The following MYBL2 variants were observed in gnomAD, a reference collection of about 807,000 sequenced individuals.
The protein encoded by MYBL2 is MYB proto-oncogene like 2.
MYBL2 carries 28 observed loss-of-function variants against 79.9 expected under a neutral mutation model. That is an observed-to-expected ratio of 0.35 (90% CI 0.26 to 0.48). MYBL2 has a LOEUF of 0.48. Ranked by LOEUF, MYBL2 falls within the 20% of genes least tolerant of loss-of-function variation. The pLI is 0.99. For missense variants in MYBL2, 735 were observed against 893.9 expected (o/e 0.82, Z 2.27); for synonymous variants, 378 against 361.2 (o/e 1.05, Z -0.53).
intron 3 of MYBL2, 43 bp downstream of exon 3, chr20:43,681,898 C>T (rs779801129): frequency 4.4e-6 from 7 of 1,598,900 alleles, no homozygotes; most frequent in Non-Finnish European, 5.1e-6. Flanking sequence ...GGCAAGGGCT[C>T]TGGGAGAACA....
intron 12 of MYBL2, among the ~76,000 whole-genome samples, chr20:43,713,797 C>T (rs902479058): frequency 2.4e-4 from 37 of 152,288 alleles, no homozygotes; most frequent in African/African-American, 5.8e-4. Context: ...ACAGTGAGGT[C>T]GACCTCAGAA....
intron 6 of MYBL2, among the ~76,000 whole-genome samples, chr20:43,699,551 TG>T (rs1410795591): frequency 1.6e-4 from 25 of 152,322 alleles, no homozygotes; most frequent in Non-Finnish European, 1.5e-5. Flanking sequence ...TGCATTTAGT[TG>T]TCCTATCCCT....
rs982158120 is a variant in MYBL2, at chr20:43,673,980, C to T, written c.114+81C>T. The stretch of plus-strand genomic sequence containing the variant: ...TGAGCCTGGAGTGTATTTGATGTCT[C>T]ATCAGATGGGATGAAGAGGAGGAGC... On this transcript the variant is annotated intron_variant, in intron 2 of 13. Transcript: ENST00000217026. 5 of 1,237,904 alleles carry T rather than the reference C, an allele frequency of 4.0e-6. No individual in the cohort carries two copies. In the East Asian group the frequency reaches 7.6e-5, roughly 19 times the overall value. The allele number at this position is 1,237,904 out of a possible 1,614,324, so 76.7% of individuals were successfully genotyped here. A position where few individuals can be genotyped will look rare whatever the true frequency, so the allele number is the denominator to read the frequency against.
At chr20:43,712,934 C>A in intron 11 of MYBL2, 68 bp from the exon 12 acceptor site, 1 of 1,257,428 alleles carries the variant, frequency 8.0e-7, no homozygotes, top group South Asian at 1.3e-5. Context: ...ATGGCCATGA[C>A]CATCCAGGTG....
chr20:43,695,055 A>C (rs1162475387), intron 6 of MYBL2, among the ~76,000 whole-genome samples: 1 of 117,662 alleles, frequency 8.5e-6, no homozygotes, highest in East Asian at 2.5e-4. Context: ...TTTTTTTTGG[A>C]GACAGAGTCT....
At position 43,681,842 on chromosome 20, in the gene MYBL2, C is replaced by G. The variant is rs1987151196; in HGVS notation, c.173C>G (p.Ala58Gly). The G allele has an allele frequency of 6.2e-7, 1 of 1,614,040 alleles. No homozygotes were observed. The highest frequency in any genetic ancestry group is 1.1e-5 in the South Asian group (1 of 91,084). Residue 58 changes from alanine (A) to glycine (G), a missense_variant, in exon 3 of 14, where the codon GCC becomes GGC. Physicochemically the swap from Ala to Gly is moderately conservative, Grantham distance 60. Coordinates refer to ENST00000217026, the MANE Select transcript of MYBL2 (RefSeq NM_002466.4). ...QFGQQDWKFL[A>G]SHFPNRTDQQ... ...GGACAGCAGGACTGGAAGTTCCTGG[C>G]CAGCCACTTCCCTGTGAGTACAGTC...
intron 6 of MYBL2, among the ~76,000 whole-genome samples, chr20:43,697,889 T>C (rs1166887535): frequency 6.9e-6 from 1 of 145,068 alleles, no homozygotes; most frequent in Non-Finnish European, 1.5e-5. Context: ...CATTTCAGCC[T>C]GGGCAACAGA....
At chr20:43,675,612 C>T (rs756474819) in intron 2 of MYBL2, among the ~76,000 whole-genome samples, 17 of 152,072 alleles carry the variant, frequency 1.1e-4, no homozygotes, top group African/African-American at 1.7e-4. Context: ...TACGGTGAGC[C>T]GGTTTGATCA....
chr20:43,686,949 A>G lies in MYBL2; in HGVS notation c.377A>G (p.His126Arg). The change falls in exon 5 of 14, where the codon CAC becomes CGC. Residue 126 changes from histidine to arginine, a missense_variant. Physicochemically the swap from His to Arg is conservative, Grantham distance 29. Around this residue, in one of 5 missense-constraint regions of MYBL2, gnomAD observed 65 missense variants for 145.2 expected, o/e 0.45. Transcript: ENST00000217026. ...GGGAAGCAGTGCCGTGAACGCTGGC[A>G]CAACCACCTCAACCCTGAGGTGAAG... is the stretch of plus-strand genomic sequence containing the variant. ...RLGKQCRERW[H>R]NHLNPEVKKS... 6.2e-7 allele frequency: 1 copy of G among 1,614,234 alleles called. No individual in the cohort carries two copies. Among genetic ancestry groups the G allele is most frequent in the Non-Finnish European group, 8.5e-7 (1 of 1,180,044 alleles).
chr20:43,691,557 T>C (rs113209976), intron 5 of MYBL2, among the ~76,000 whole-genome samples: 1 of 151,206 alleles, frequency 6.6e-6, no homozygotes, highest in Admixed American at 6.6e-5. Flanking sequence ...TTTTTTTTTT[T>C]GAGGTGGAAT....
At chr20:43,709,878 CT>C (rs1987866845) in intron 9 of MYBL2, 84 bp from the exon 10 acceptor site, 1 of 1,147,282 alleles carries the variant, frequency 8.7e-7, no homozygotes, top group Non-Finnish European at 1.2e-6. Context: ...AAAGGTCGCA[CT>C]GGGGGAAGGT....
At chr20:43,696,562 C>G (rs1327907883) in intron 6 of MYBL2, among the ~76,000 whole-genome samples, 1 of 152,298 alleles carries the variant, frequency 6.6e-6, no homozygotes, top group East Asian at 1.9e-4. Context: ...CTTTCTTTTT[C>G]TATTTAACAT....
rs1303540518 is a variant in MYBL2, at chr20:43,716,088, G to A, written c.*1G>A. 5 of 1,605,436 alleles carry A rather than the reference G, an allele frequency of 3.1e-6. No homozygotes were observed. Among genetic ancestry groups the A allele is most frequent in the Non-Finnish European group, 4.2e-6 (5 of 1,179,624 alleles). On this transcript the variant is annotated 3_prime_UTR_variant, in exon 14 of 14. Coordinates refer to ENST00000217026, the MANE Select transcript of MYBL2 (RefSeq NM_002466.4). ...ATCTCGGACCCTCATCTTGTCCTGA[G>A]GTGTTGAGGGTGTCACGAGCCCATT...
At chr20:43,669,933 G>C (rs1466538693) in intron 1 of MYBL2, among the ~76,000 whole-genome samples, 3 of 152,144 alleles carry the variant, frequency 2.0e-5, no homozygotes, top group Non-Finnish European at 4.4e-5. Flanking sequence ...GAAACTCCTC[G>C]TCTCTACCAA....
chr20:43,699,184 G>A (rs1987626889), intron 6 of MYBL2, among the ~76,000 whole-genome samples: 1 of 152,020 alleles, frequency 6.6e-6, no homozygotes, highest in Non-Finnish European at 1.5e-5. Context: ...GATTACAGGT[G>A]CCTGCCACCA....
intron 6 of MYBL2, among the ~76,000 whole-genome samples, chr20:43,695,264 C>T (rs1987509138): frequency 2.0e-5 from 3 of 152,136 alleles, no homozygotes; most frequent in South Asian, 2.1e-4. Context: ...TGGTCTTGAA[C>T]TCCTGACCTC....
At position 43,713,066 on chromosome 20, in the gene MYBL2, T is replaced by C. The variant is rs1342211739; in HGVS notation, c.1784T>C (p.Val595Ala). ...SLALDIVDED[V>A]KLMMSTLPKS... The stretch of plus-strand genomic sequence containing the variant: ...GCTCTTGACATTGTGGATGAGGATG[T>C]GAAGCTGATGATGTCCACACTGCCC... Residue 595 changes from valine (V) to alanine (A), a missense_variant, in exon 12 of 14, where the codon GTG becomes GCG. Physicochemically the swap from Val to Ala is moderately conservative, Grantham distance 64. Coordinates refer to ENST00000217026, the MANE Select transcript of MYBL2 (RefSeq NM_002466.4). 6.2e-7 allele frequency: 1 copy of C among 1,613,378 alleles called. No homozygotes were observed. Among genetic ancestry groups the C allele is most frequent in the Non-Finnish European group, 8.5e-7 (1 of 1,179,734 alleles).
rs772384029 is a variant in MYBL2 at position 43,712,968 on chromosome 20, T to G, written c.1720-34T>G. 5.2e-6 allele frequency: 8 copies of G among 1,535,956 alleles called. No homozygotes were observed. The African/African-American group carries it at 9.5e-5, about 18-fold the overall frequency. On this transcript the variant is annotated intron_variant, in intron 11 of 13. Transcript: ENST00000217026. ...TGCTGACCATGGGGAATCCAGACAC[T>G]CACCCTAACCCCCTTCTATCTGCCA...
At chr20:43,680,432 G>A (rs1479149659) in intron 2 of MYBL2, among the ~76,000 whole-genome samples, 1 of 152,214 alleles carries the variant, frequency 6.6e-6, no homozygotes, top group Non-Finnish European at 1.5e-5. Context: ...CCATGCTGTA[G>A]CATGTGTCAG....
Sources: allele counts gnomAD v4.1 joint callset (sites outside exome capture counted in the v4.1 genomes callset), GRCh38; gene constraint gnomAD v4.1.1; regional missense constraint gnomAD v4.1.1; transcripts MANE v1.5; gene names NCBI Gene and HGNC (gene_info 2026-07-23, HGNC 2026-07-21).